EML4: variants seen among roughly 807,000 people sequenced by gnomAD.
The protein encoded by EML4 is EMAP like 4.
EML4 carries 72 observed loss-of-function variants against 129.0 expected under a neutral mutation model. The observed-to-expected ratio is 0.56, with a 90% confidence interval of 0.46 to 0.68. EML4 has a LOEUF of 0.68. EML4 is among the 30% of genes least tolerant of loss of function. The probability of loss-of-function intolerance (pLI) is 0.00; values close to 1 mark genes in which losing one functional copy is unlikely to be tolerated. For synonymous variants in EML4, 532 were observed against 405.0 expected (o/e 1.31, Z -3.77); for missense variants, 1,363 against 1,190.6 (o/e 1.14, Z -2.13).
intron 17 of EML4, among the ~76,000 whole-genome samples, chr2:42,305,011 C>G (rs113498118): frequency 6.6e-6 from 1 of 152,068 alleles, no homozygotes; most frequent in Non-Finnish European, 1.5e-5. Context: ...CCCAGCTATT[C>G]TGGAGGCTGA....
At position 42,303,306 on chromosome 2, in the gene EML4, C is replaced by T. The variant is rs1209586543; in HGVS notation, c.1768-9C>T. ...GGTTCTTATAACAATGAGTGTCTTT[C>T]ATTTTCAGGGTCATACAGATGAGCT... On this transcript the variant is annotated splice_polypyrimidine_tract_variant and intron_variant, in intron 15 of 22. Transcript: ENST00000318522. The T allele has an allele frequency of 3.7e-6, 6 of 1,614,042 alleles. No individual in the cohort carries two copies. Among genetic ancestry groups the T allele is most frequent in the Non-Finnish European group, 4.2e-6 (5 of 1,179,974 alleles).
At position 42,267,390 on chromosome 2, in the gene EML4, T is replaced by C. The variant is rs565772908; in HGVS notation, c.667+2659T>C. ...CATATTCACAACACATTTTCTAGTA[T>C]TTCAGCTATTAATGCTAATATTTGT... On this transcript the variant is annotated intron_variant, in intron 6 of 22. Transcript: ENST00000318522. Among the ~76,000 whole-genome samples the C allele has an allele frequency of 3.9e-5, 6 of 152,344 alleles. No individual in the cohort carries two copies. In the East Asian group the frequency reaches 9.6e-4, roughly 24 times the overall value.
At chr2:42,245,316 C>A (rs1675327392) in intron 1 of EML4, among the ~76,000 whole-genome samples, 189 bp from the exon 2 acceptor site, 2 of 151,132 alleles carry the variant, frequency 1.3e-5, no homozygotes, top group Admixed American at 1.3e-4. Context: ...TGCTGGTCTC[C>A]AACTCCTGAC....
intron 1 of EML4, among the ~76,000 whole-genome samples, chr2:42,221,695 C>T (rs1673613665): frequency 6.6e-6 from 1 of 151,948 alleles, no homozygotes; most frequent in Non-Finnish European, 1.5e-5. Flanking sequence ...CCTCCGCCTC[C>T]TGGGTTCAAG....
chr2:42,180,462 G>A, intron 1 of EML4, among the ~76,000 whole-genome samples: 1 of 152,206 alleles, frequency 6.6e-6, no homozygotes, highest in Middle Eastern at 3.2e-3. Context: ...CAGATGGTCT[G>A]TATATGTGCT....
chr2:42,281,381 A>G (rs1292836273), intron 7 of EML4, among the ~76,000 whole-genome samples: 2 of 149,308 alleles, frequency 1.3e-5, no homozygotes, highest in Admixed American at 1.3e-4. Flanking sequence ...CGACCGGGGA[A>G]AACTCTGTCT....
At chr2:42,176,888 G>C (rs1459362421) in intron 1 of EML4, among the ~76,000 whole-genome samples, 1 of 152,030 alleles carries the variant, frequency 6.6e-6, no homozygotes, top group Non-Finnish European at 1.5e-5. Flanking sequence ...CTGCCTCCTG[G>C]GTTCAAGGAA....
intron 1 of EML4, among the ~76,000 whole-genome samples, chr2:42,206,938 T>G (rs1057133668): frequency 6.6e-6 from 1 of 152,218 alleles, no homozygotes. Context: ...TAATTGTAGA[T>G]AATTTAAATA....
chr2:42,240,769 A>G (rs1275889199), intron 1 of EML4, among the ~76,000 whole-genome samples: 2 of 152,188 alleles, frequency 1.3e-5, no homozygotes, highest in African/African-American at 4.8e-5. Flanking sequence ...TATTTCATCT[A>G]ATCATCCCAA....
chr2:42,265,957 T>A (rs576276004), intron 6 of EML4, among the ~76,000 whole-genome samples: 4 of 152,230 alleles, frequency 2.6e-5, no homozygotes, highest in Admixed American at 6.5e-5. Context: ...TGCCTGCAAA[T>A]TTAATTGAAG....
intron 1 of EML4, among the ~76,000 whole-genome samples, chr2:42,191,785 C>A (rs140229771): frequency 6.6e-6 from 1 of 152,118 alleles, no homozygotes; most frequent in African/African-American, 2.4e-5. Flanking sequence ...TTTTGCCGGG[C>A]GTGGTGGCTC....
chr2:42,179,542 G>A (rs1670807096), intron 1 of EML4, among the ~76,000 whole-genome samples: 2 of 152,106 alleles, frequency 1.3e-5, no homozygotes, highest in Admixed American at 6.5e-5. Flanking sequence ...AGTTTTTATG[G>A]AGAATGGTCC....
At chr2:42,209,769 A>C (rs775130182) in intron 1 of EML4, among the ~76,000 whole-genome samples, 81 of 152,298 alleles carry the variant, frequency 5.3e-4, no homozygotes, top group African/African-American at 1.9e-3. Flanking sequence ...GTCTCTATTA[A>C]AAATACAAAA....
intron 1 of EML4, among the ~76,000 whole-genome samples, chr2:42,241,960 A>G (rs1165688326): frequency 6.6e-6 from 1 of 152,204 alleles, no homozygotes; most frequent in South Asian, 2.1e-4. Context: ...TGCCCTTTGA[A>G]AAATTGTTCT....
At chr2:42,175,398 C>T (rs1015062974) in intron 1 of EML4, among the ~76,000 whole-genome samples, 1 of 152,150 alleles carries the variant, frequency 6.6e-6, no homozygotes, top group Non-Finnish European at 1.5e-5. Context: ...CAGACGTGAG[C>T]CACCGCACCT....
At chr2:42,255,868 C>T (rs1036665606) in intron 2 of EML4, among the ~76,000 whole-genome samples, 7 of 152,124 alleles carry the variant, frequency 4.6e-5, no homozygotes, top group Non-Finnish European at 8.8e-5. Flanking sequence ...CTTGTGTGCA[C>T]GTGAGAAAAC....
rs1219162795 is a variant in EML4 at position 42,304,466 on chromosome 2, T to C, written c.1900-18T>C. Reference sequence around the variant, plus strand: ...ACTTTCTCATGTACTCCCCAACAGCTGTCTGTCTCTTTTCTAGGAACCAGG... The same window carrying C: ...ACTTTCTCATGTACTCCCCAACAGCCGTCTGTCTCTTTTCTAGGAACCAGG... On this transcript the variant is annotated intron_variant, in intron 16 of 22. Coordinates refer to ENST00000318522, the MANE Select transcript of EML4 (RefSeq NM_019063.5). 1 of 1,611,724 alleles carries C rather than the reference T, an allele frequency of 6.2e-7. No homozygotes were observed.
chr2:42,312,265 C>T (rs1007573971), intron 17 of EML4, among the ~76,000 whole-genome samples: 1 of 117,662 alleles, frequency 8.5e-6, no homozygotes. Flanking sequence ...AAATTCTAAG[C>T]CCCCCCCCAC....
At chr2:42,271,517 T>C (rs1057352042) in intron 6 of EML4, among the ~76,000 whole-genome samples, 1 of 152,220 alleles carries the variant, frequency 6.6e-6, no homozygotes, top group Non-Finnish European at 1.5e-5. Flanking sequence ...TTTTTTAAAA[T>C]AGAAACTATC....
Sources: gnomAD v4.1 joint callset for allele counts (sites outside exome capture counted in the v4.1 genomes callset) on GRCh38, gnomAD v4.1.1 for gene constraint, MANE v1.5 for transcripts, NCBI Gene and HGNC (gene_info 2026-07-23, HGNC 2026-07-21) for gene names.